The following GPC3 variants were observed in gnomAD, a reference collection of about 807,000 sequenced individuals.
GPC3 encodes the protein glypican-3.
Under a neutral mutation model 34.4 loss-of-function variants are expected in GPC3, and 3 were observed. That is an observed-to-expected ratio of 0.09 (90% CI 0.04 to 0.23). GPC3 has a LOEUF of 0.23. Among genes scored for constraint, GPC3 ranks in the 10% least tolerant of loss-of-function variants. The pLI, the probability that GPC3 is intolerant of heterozygous loss-of-function variation, is 1.00. For synonymous variants in GPC3, 177 were observed against 174.0 expected (o/e 1.02, Z -0.13); for missense variants, 351 against 445.6 (o/e 0.79, Z 1.91).
At chrX:133,760,566 G>C (rs776516136) in intron 2 of GPC3, among the ~76,000 whole-genome samples, 70 of 111,580 alleles carry the variant, frequency 6.3e-4, no homozygotes, top group African/African-American at 2.1e-3. Context: ...TGACATTCTG[G>C]AAAAGGCAAA....
intron 2 of GPC3, among the ~76,000 whole-genome samples, chrX:133,810,576 A>G (rs2075658952): frequency 9.0e-6 from 1 of 111,658 alleles, no homozygotes; most frequent in Non-Finnish European, 1.9e-5. Context: ...ATGTACTTCC[A>G]TCTTGGTAGA....
intron 6 of GPC3, among the ~76,000 whole-genome samples, chrX:133,646,506 A>G (rs991374275): frequency 2.7e-5 from 3 of 111,849 alleles, no homozygotes; most frequent in African/African-American, 9.7e-5. Context: ...GAAGTTTCCC[A>G]ATATCTAGCT....
intron 6 of GPC3, among the ~76,000 whole-genome samples, chrX:133,608,258 T>C (rs1268919687): frequency 8.9e-6 from 1 of 112,695 alleles, no homozygotes; most frequent in Non-Finnish European, 1.9e-5. Flanking sequence ...TTGTGGAAGA[T>C]TGGTGACATT....
intron 2 of GPC3, among the ~76,000 whole-genome samples, chrX:133,843,671 TGA>T (rs1340217896): frequency 9.0e-6 from 1 of 111,144 alleles, no homozygotes; most frequent in Non-Finnish European, 1.9e-5. Context: ...ACAGAGACCA[TGA>T]GAGATAATAA....
intron 7 of GPC3, among the ~76,000 whole-genome samples, chrX:133,563,215 T>A (rs1007063691): frequency 3.6e-5 from 4 of 111,580 alleles, no homozygotes; most frequent in Admixed American, 9.5e-5. Context: ...TGCTATGAAT[T>A]GAATACAAAA....
chrX:133,758,244 G>C (rs1023682689), intron 2 of GPC3, among the ~76,000 whole-genome samples: 1 of 111,626 alleles, frequency 9.0e-6, no homozygotes, highest in African/African-American at 3.3e-5. Flanking sequence ...AAAGATACAT[G>C]CACATGTATG....
rs5975421 is a variant in GPC3, at chrX:133,730,028, A to G, written c.1032+23454T>C. 3.4e-3 allele frequency among the ~76,000 whole-genome samples: 387 copies of G among 112,332 alleles called. 2 individuals are homozygous for G. The highest frequency in any genetic ancestry group is 0.012 in the African/African-American group (379 of 31,011). ...ATACAGTGATGCTCTAACAAGGTTA[A>G]AAGTGTTCTCTGATTTCCATTATAA... is the stretch of plus-strand genomic sequence containing the variant. On this transcript the variant is annotated intron_variant, in intron 3 of 7. Coordinates refer to ENST00000370818, the MANE Select transcript of GPC3 (RefSeq NM_004484.4).
At chrX:133,804,086 C>T (rs909222733) in intron 2 of GPC3, among the ~76,000 whole-genome samples, 4 of 110,497 alleles carry the variant, frequency 3.6e-5, no homozygotes, top group African/African-American at 1.3e-4. Flanking sequence ...ATGGAAGTGG[C>T]TCCACTATTT....
At chrX:133,779,379 A>T (rs58783063) in intron 2 of GPC3, among the ~76,000 whole-genome samples, 1,614 of 112,018 alleles carry the variant, frequency 0.014, 25 homozygotes, top group African/African-American at 0.05. Flanking sequence ...GAACTCTGGA[A>T]CCAGAACACA....
chrX:133,832,054 G>T (rs1176739021), intron 2 of GPC3, among the ~76,000 whole-genome samples: 2 of 111,407 alleles, frequency 1.8e-5, no homozygotes, highest in South Asian at 7.7e-4. Flanking sequence ...AGGCCAAGGT[G>T]GGTGGATCAC....
intron 2 of GPC3, among the ~76,000 whole-genome samples, chrX:133,775,278 C>T (rs956014944): frequency 9.1e-5 from 10 of 109,888 alleles, no homozygotes; most frequent in Non-Finnish European, 1.7e-4. Flanking sequence ...AACAAATATG[C>T]GACTCCACTG....
intron 2 of GPC3, among the ~76,000 whole-genome samples, chrX:133,822,042 G>A (rs1344949862): frequency 8.9e-6 from 1 of 111,888 alleles, no homozygotes; most frequent in Non-Finnish European, 1.9e-5. Context: ...TCTGTGGTCT[G>A]TTTCCTGCAG....
At chrX:133,949,121 C>T (rs1244866656) in intron 2 of GPC3, among the ~76,000 whole-genome samples, 2 of 112,342 alleles carry the variant, frequency 1.8e-5, no homozygotes, top group South Asian at 3.7e-4. Flanking sequence ...ATATAAAGCT[C>T]ATAAATGCAG....
chrX:133,864,853 ATCT>A (rs2075959058), intron 2 of GPC3, among the ~76,000 whole-genome samples: 1 of 112,753 alleles, frequency 8.9e-6, no homozygotes, highest in Non-Finnish European at 1.9e-5. Context: ...TTCATCCTGG[ATCT>A]TCTTTCTGAA....
chrX:133,643,851 G>A (rs1453358817), intron 6 of GPC3, among the ~76,000 whole-genome samples: 3 of 94,813 alleles, frequency 3.2e-5, no homozygotes, highest in East Asian at 3.0e-4. Context: ...TTTTTGAGAC[G>A]GGGTTTTGCT....
intron 3 of GPC3, among the ~76,000 whole-genome samples, chrX:133,745,002 G>A (rs2071599620): frequency 1.8e-5 from 2 of 110,280 alleles, no homozygotes; most frequent in Admixed American, 1.9e-4. Context: ...TCACACACCG[G>A]GGCCTGTCGG....
intron 5 of GPC3, among the ~76,000 whole-genome samples, chrX:133,684,322 T>C (rs1209014285): frequency 8.9e-6 from 1 of 111,887 alleles, no homozygotes; most frequent in Non-Finnish European, 1.9e-5. Context: ...TATTTGTCCC[T>C]CTGTCCCTCC....
chrX:133,964,813 A>G (rs2076456025), intron 1 of GPC3, among the ~76,000 whole-genome samples: 1 of 111,881 alleles, frequency 8.9e-6, no homozygotes, highest in Admixed American at 9.5e-5. Flanking sequence ...CTTCTGATCC[A>G]GTGACTTGGG....
chrX:133,877,812 G>A (rs767163676), intron 2 of GPC3, among the ~76,000 whole-genome samples: 1 of 111,779 alleles, frequency 8.9e-6, no homozygotes, highest in Admixed American at 9.5e-5. Flanking sequence ...TAAATAGTGG[G>A]AAAAGCGAGT....
Sources: allele counts gnomAD v4.1 joint callset (sites outside exome capture counted in the v4.1 genomes callset), GRCh38; gene constraint gnomAD v4.1.1; transcripts MANE v1.5; gene names NCBI Gene and HGNC (gene_info 2026-07-23, HGNC 2026-07-21).